MAP4K3: variants seen among roughly 807,000 people sequenced by gnomAD.
MAP4K3 encodes MAPK/ERK kinase kinase kinase 3.
Under a neutral mutation model 143.5 loss-of-function variants are expected in MAP4K3, and 94 were observed. That is an observed-to-expected ratio of 0.65 (90% confidence interval 0.55 to 0.78). The LOEUF (loss-of-function observed/expected upper bound fraction) is 0.78, where lower values mean the gene tolerates loss of function less well. Among genes scored for constraint, MAP4K3 ranks in the 30% least tolerant of loss-of-function variants. MAP4K3 has a pLI of 0.00. For missense variants in MAP4K3, 1,077 were observed against 1,068.1 expected, an observed-to-expected ratio of 1.01 and a Z score of -0.12; for synonymous variants, 416 against 347.2, an observed-to-expected ratio of 1.20 and a Z score of -2.20.
chr2:39,295,326 A>G (rs919630388), intron 16 of MAP4K3, among the ~76,000 whole-genome samples: 2 of 151,818 alleles, frequency 1.3e-5, no homozygotes, highest in African/African-American at 2.4e-5. Context: ...TATGTTATTT[A>G]TAACAAATAA....
intron 6 of MAP4K3, among the ~76,000 whole-genome samples, chr2:39,333,810 G>A (rs1030007859): frequency 6.6e-6 from 1 of 152,004 alleles, no homozygotes; most frequent in Non-Finnish European, 1.5e-5. Flanking sequence ...TACTAACATA[G>A]TATGAATGTT....
chr2:39,368,217 G>C (rs1357924371), intron 2 of MAP4K3, among the ~76,000 whole-genome samples: 1 of 152,124 alleles, frequency 6.6e-6, no homozygotes, highest in Non-Finnish European at 1.5e-5. Flanking sequence ...TATATGTAAA[G>C]TAAGTATTAT....
intron 32 of MAP4K3, among the ~76,000 whole-genome samples, chr2:39,252,241 G>T (rs568970110): frequency 6.6e-6 from 1 of 152,222 alleles, no homozygotes; most frequent in African/African-American, 2.4e-5. Flanking sequence ...AAGCTACTTA[G>T]ATCTGCTTCT....
At chr2:39,299,714 A>C in intron 16 of MAP4K3, 29 bp downstream of exon 16, 1 of 1,346,106 alleles carries the variant, frequency 7.4e-7, no homozygotes, top group Non-Finnish European at 1.0e-6. Flanking sequence ...TCTTGAATTT[A>C]AATTAAGTTT....
intron 1 of MAP4K3, among the ~76,000 whole-genome samples, chr2:39,411,949 C>T (rs1667243350): frequency 6.6e-6 from 1 of 152,154 alleles, no homozygotes; most frequent in Non-Finnish European, 1.5e-5. Context: ...TATATTATTT[C>T]ATTTTAACTT....
chr2:39,361,519 G>A (rs766213014), intron 2 of MAP4K3, among the ~76,000 whole-genome samples: 20 of 150,678 alleles, frequency 1.3e-4, no homozygotes, highest in Non-Finnish European at 2.4e-4. Context: ...CTGTGCTCTT[G>A]GACAACAAAC....
At chr2:39,281,832 A>G (rs1681543905) in intron 22 of MAP4K3, among the ~76,000 whole-genome samples, 1 of 150,884 alleles carries the variant, frequency 6.6e-6, no homozygotes, top group Non-Finnish European at 1.5e-5. Flanking sequence ...TTACAAATAT[A>G]AAGTATATAT....
At chr2:39,422,857 C>A (rs969222392) in intron 1 of MAP4K3, among the ~76,000 whole-genome samples, 2 of 152,060 alleles carry the variant, frequency 1.3e-5, no homozygotes. Context: ...ATCTAAGTGA[C>A]CATGGTCTAG....
At chr2:39,386,777 CCTACA>C (rs1406000912) in intron 1 of MAP4K3, among the ~76,000 whole-genome samples, 4 of 151,242 alleles carry the variant, frequency 2.6e-5, no homozygotes, top group Admixed American at 6.6e-5. Context: ...TTATCTCTTA[CCTACA>C]CTATACAGTC....
chr2:39,411,322 A>G (rs1218208807), intron 1 of MAP4K3, among the ~76,000 whole-genome samples: 4 of 152,338 alleles, frequency 2.6e-5, no homozygotes, highest in Middle Eastern at 3.4e-3. Context: ...TACTTAAATC[A>G]TACTAGAAAG....
At chr2:39,395,786 A>T (rs1558685972) in intron 1 of MAP4K3, among the ~76,000 whole-genome samples, 1 of 152,194 alleles carries the variant, frequency 6.6e-6, no homozygotes, top group Non-Finnish European at 1.5e-5. Context: ...TCTGGAAAAC[A>T]CTATCAAATA....
chr2:39,331,889 T>A, intron 8 of MAP4K3, 28 bp downstream of exon 8: 1 of 1,403,890 alleles, frequency 7.1e-7, no homozygotes, highest in African/African-American at 1.4e-5. Context: ...TAGAACAAAG[T>A]ATTAAATATC....
chr2:39,274,379 GC>G (rs1681162815), intron 24 of MAP4K3, among the ~76,000 whole-genome samples: 1 of 151,794 alleles, frequency 6.6e-6, no homozygotes, highest in Non-Finnish European at 1.5e-5. Flanking sequence ...ACCACGCCCG[GC>G]TAATTTTTTT....
intron 1 of MAP4K3, among the ~76,000 whole-genome samples, chr2:39,412,556 AT>A (rs1322417335): frequency 1.5e-4 from 23 of 152,300 alleles, no homozygotes; most frequent in Non-Finnish European, 2.6e-4. Context: ...AGCTATTAAA[AT>A]AAAAACAAAC....
At chr2:39,340,928 G>T (rs1267823665) in intron 4 of MAP4K3, among the ~76,000 whole-genome samples, 1 of 152,086 alleles carries the variant, frequency 6.6e-6, no homozygotes, top group Non-Finnish European at 1.5e-5. Flanking sequence ...ATAGGAAATT[G>T]AGTTGAAGAG....
chr2:39,359,423 C>T (rs1665703458), intron 2 of MAP4K3, among the ~76,000 whole-genome samples: 1 of 152,224 alleles, frequency 6.6e-6, no homozygotes, highest in South Asian at 2.1e-4. Flanking sequence ...TGGCTGCTTT[C>T]ACAGGCTGGT....
At chr2:39,288,043 A>C in intron 20 of MAP4K3, 78 bp downstream of exon 20, 1 of 1,528,814 alleles carries the variant, frequency 6.5e-7, no homozygotes, top group Non-Finnish European at 8.9e-7. Context: ...ATTTCAAATA[A>C]TCTCTTAAAA....
chr2:39,289,728 T>A (rs1681950195), intron 19 of MAP4K3, among the ~76,000 whole-genome samples: 1 of 152,190 alleles, frequency 6.6e-6, no homozygotes, highest in African/African-American at 2.4e-5. Context: ...CCAAGTCAAA[T>A]AACACTAATC....
intron 12 of MAP4K3, among the ~76,000 whole-genome samples, chr2:39,322,019 T>C (rs567572803): frequency 7.0e-6 from 1 of 142,306 alleles, no homozygotes; most frequent in East Asian, 2.1e-4. Flanking sequence ...GTCCCCTGGG[T>C]CCCCTTATTT....
Sources: allele counts gnomAD v4.1 joint callset (sites outside exome capture counted in the v4.1 genomes callset), GRCh38; gene constraint gnomAD v4.1.1; transcripts MANE v1.5; gene names NCBI Gene and HGNC (gene_info 2026-07-23, HGNC 2026-07-21).